Variants in SRCIN1 observed in about 807,000 individuals in gnomAD.
The protein encoded by SRCIN1 is P130Cas-associated protein.
Under a neutral mutation model 116.2 loss-of-function variants are expected in SRCIN1, and 50 were observed. That is an observed-to-expected ratio of 0.43 (90% confidence interval 0.34 to 0.54). The LOEUF (loss-of-function observed/expected upper bound fraction) is 0.54. Ranked by LOEUF, SRCIN1 falls within the 20% of genes least tolerant of loss-of-function variation. SRCIN1 has a pLI of 0.02. For synonymous variants in SRCIN1, 736 were observed against 750.0 expected, an observed-to-expected ratio of 0.98 and a Z score of 0.30; for missense variants, 1,446 against 1,672.0, an observed-to-expected ratio of 0.86 and a Z score of 2.36.
In SRCIN1 at chr17:38,568,417, T is replaced by C. The variant is rs117484389; in HGVS notation, c.325-186A>G. ...TTCTCTACTGAGACCTGGAACACCA[T>C]GGTGTACCCAGGATGGCCCTGAGCA... On this transcript the variant is annotated intron_variant, in intron 2 of 18. Coordinates refer to ENST00000617146, the MANE Select transcript of SRCIN1 (RefSeq NM_025248.3). This position sits in a 1 kb window ranked among gnomAD's most constrained non-coding sequence, Gnocchi z 4.5. 2.8e-3 allele frequency among the ~76,000 whole-genome samples: 427 copies of C among 152,222 alleles called. 1 individual carries two copies. The highest frequency in any genetic ancestry group is 0.024 in the East Asian group (122 of 5,164).
At chr17:38,571,416 C>T (rs910609946) in intron 2 of SRCIN1, among the ~76,000 whole-genome samples, 61 of 152,198 alleles carry the variant, frequency 4.0e-4, no homozygotes, top group African/African-American at 1.5e-3. Flanking sequence ...GGCACCACTC[C>T]CTCCATCTCC....
chr17:38,594,787 A>G (rs1482082630), intron 1 of SRCIN1, among the ~76,000 whole-genome samples: 1 of 151,950 alleles, frequency 6.6e-6, no homozygotes, highest in Non-Finnish European at 1.5e-5. Context: ...GGGCAGGCTG[A>G]CTCTCAAGTC....
At position 38,547,561 on chromosome 17, in the gene SRCIN1, G is replaced by A. The variant is rs185114213; in HGVS notation, c.3270+996C>T. Among the ~76,000 whole-genome samples, 236 of 152,282 alleles carry A rather than the reference G, an allele frequency of 1.5e-3. 1 individual carries two copies. Among genetic ancestry groups the A allele is most frequent in the African/African-American group, 5.4e-3 (225 of 41,538 alleles). On this transcript the variant is annotated intron_variant, in intron 17 of 18. Transcript: ENST00000617146. ...CTCAGGGAGCCCCCCAGCAAGCAGC[G>A]GGGAGGAAGGGTTATGCGCCTGTCC... is the stretch of plus-strand genomic sequence containing the variant.
At chr17:38,597,995 C>T (rs972734650) in intron 1 of SRCIN1, among the ~76,000 whole-genome samples, 1 of 152,124 alleles carries the variant, frequency 6.6e-6, no homozygotes, top group African/African-American at 2.4e-5. Flanking sequence ...CTTCCTGCCC[C>T]TCCCACTTCC....
At chr17:38,584,194 G>A (rs1206291467) in intron 1 of SRCIN1, among the ~76,000 whole-genome samples, 1 of 152,164 alleles carries the variant, frequency 6.6e-6, no homozygotes, top group Non-Finnish European at 1.5e-5. Context: ...TCTGGGGGAA[G>A]GGAAGCAAAG....
Position 38,565,873 on chromosome 17 carries a change from A to C in SRCIN1, c.346-1560T>G, listed in dbSNP as rs560949719. 5.9e-5 allele frequency among the ~76,000 whole-genome samples: 9 copies of C among 152,204 alleles called. No individual in the cohort carries two copies. The East Asian group carries it at 1.7e-3, about 29-fold the overall frequency. On this transcript the variant is annotated intron_variant, in intron 3 of 18. Coordinates refer to ENST00000617146, the MANE Select transcript of SRCIN1 (RefSeq NM_025248.3). ...CTTGGCAGGAGGAAGGCAGCATAGA[A>C]ATGGGCCAGGGGCAGTAGGGAGGGG... is the stretch of plus-strand genomic sequence containing the variant.
At chr17:38,538,200 C>T (rs1157411966) in intron 18 of SRCIN1, among the ~76,000 whole-genome samples, 1 of 151,794 alleles carries the variant, frequency 6.6e-6, no homozygotes, top group Admixed American at 6.6e-5. Context: ...GGGCGAATCA[C>T]GAGGTCAGGA....
chr17:38,564,088 G>A (rs771902805), intron 4 of SRCIN1, 30 bp downstream of exon 4: 1 of 1,576,974 alleles, frequency 6.3e-7, no homozygotes, highest in Non-Finnish European at 8.6e-7. Context: ...AGCCTGTGTG[G>A]GGAGGGAGGG....
intron 18 of SRCIN1, among the ~76,000 whole-genome samples, chr17:38,540,400 C>A (rs922630050): frequency 1.3e-5 from 2 of 152,136 alleles, no homozygotes; most frequent in African/African-American, 4.8e-5. Context: ...GGGCACCGCC[C>A]CCCCAATCCC....
In SRCIN1 at chr17:38,559,670, C is replaced by T. The variant is rs779595014; in HGVS notation, c.1940G>A (p.Arg647Gln). 35 of 1,599,684 alleles carry T rather than the reference C, an allele frequency of 2.2e-5. No individual in the cohort carries two copies. The highest frequency in any genetic ancestry group is 2.7e-5 in the Non-Finnish European group (32 of 1,178,520). ...TPAGQPTAVS[R>Q]LQMQLHLRGL... ...TCGCAGGTGAAGCTGCATCTGCAGC[C>T]GGCTAACGGCGGTAGGCTGACCTGC... Residue 647 changes from arginine to glutamine, a missense_variant, in exon 10 of 19, where the codon CGG becomes CAG. Arg to Gln is a conservative substitution (Grantham distance 43, BLOSUM62 1). Transcript: ENST00000617146.
At position 38,578,534 on chromosome 17, in the gene SRCIN1, G is replaced by C. The variant is rs1441379933; in HGVS notation, c.280C>G (p.His94Asp). 2 of 1,599,210 alleles carry C rather than the reference G, an allele frequency of 1.3e-6. No homozygotes were observed. Among genetic ancestry groups the C allele is most frequent in the African/African-American group, 1.3e-5 (1 of 74,580 alleles). ...TGCTGGCCTCGCAGGGCCAGGGCGT[G>C]CTGTGGGTACTTGCTCTTCAGGTGG... is the stretch of plus-strand genomic sequence containing the variant. ...MDHLKSKYPQ[H>D]ALALRGQQDR... is the part of the protein sequence containing the mutation. The change falls in exon 2 of 19, where the codon CAC (histidine) becomes GAC (aspartate). Residue 94 changes from histidine to aspartate, a missense_variant. This residue lies in a region of SRCIN1 where 246 missense variants were observed against 265.1 expected (regional missense o/e 0.93). Coordinates refer to ENST00000617146, the MANE Select transcript of SRCIN1 (RefSeq NM_025248.3).
chr17:38,571,956 C>T (rs368849854), intron 2 of SRCIN1, among the ~76,000 whole-genome samples: 38 of 152,326 alleles, frequency 2.5e-4, no homozygotes, highest in African/African-American at 5.5e-4. Flanking sequence ...GGTTTTCCCC[C>T]CCTCGGCCCT....
intron 18 of SRCIN1, among the ~76,000 whole-genome samples, chr17:38,539,047 G>A (rs1748857249): frequency 6.6e-6 from 1 of 152,140 alleles, no homozygotes; most frequent in Non-Finnish European, 1.5e-5. Context: ...TTTCAGATTT[G>A]CTTTGGCTGT....
Position 38,558,101 on chromosome 17 carries a change from G to C in SRCIN1, c.2201+126C>G, listed in dbSNP as rs993887314. The stretch of plus-strand genomic sequence containing the variant: ...ATCAGGCCAGAGGAGAATGAAATCA[G>C]GCTTCAGAACAGACCAACGCCACCT... On this transcript the variant is annotated intron_variant, in intron 11 of 18. Coordinates refer to ENST00000617146, the MANE Select transcript of SRCIN1 (RefSeq NM_025248.3). This position sits in a 1 kb window ranked among gnomAD's most constrained non-coding sequence, Gnocchi z 4.6. 2.9e-6 allele frequency: 3 copies of C among 1,047,272 alleles called. No individual in the cohort carries two copies. The African/African-American group carries it at 4.8e-5, about 17-fold the overall frequency. 64.9% of individuals were successfully genotyped at this position (1,047,272 alleles called of 1,614,324 possible). A position where few individuals can be genotyped will look rare whatever the true frequency, so the allele number is the denominator to read the frequency against.
chr17:38,576,277 C>T (rs1178103747), intron 2 of SRCIN1, among the ~76,000 whole-genome samples: 2 of 152,150 alleles, frequency 1.3e-5, no homozygotes, highest in Non-Finnish European at 2.9e-5. Context: ...CTTTACCACA[C>T]CACGAGACAC....
upstream of SRCIN1, among the ~76,000 whole-genome samples, chr17:38,606,653 C>T (rs1030971594): frequency 6.6e-6 from 1 of 152,230 alleles, no homozygotes; most frequent in Non-Finnish European, 1.5e-5. This position sits in a 1 kb window ranked among gnomAD's most constrained non-coding sequence, Gnocchi z 5.2. Context: ...TCCCTGCTCA[C>T]GCCTCGCTTG....
Position 38,552,997 on chromosome 17 carries a change from G to A in SRCIN1, c.2202-142C>T, listed in dbSNP as rs896762358. ...AGGCTGGGCACCGTGGCTCACGCCC[G>A]TAATCTCAGTACTTTGGGAGGCTGA... On this transcript the variant is annotated intron_variant, in intron 11 of 18. Coordinates refer to ENST00000617146, the MANE Select transcript of SRCIN1 (RefSeq NM_025248.3). This position sits in a 1 kb window ranked among gnomAD's most constrained non-coding sequence, Gnocchi z 5.3. 4.0e-5 allele frequency: 52 copies of A among 1,314,196 alleles called. No homozygotes were observed. Among genetic ancestry groups the A allele is most frequent in the Non-Finnish European group, 3.2e-5 (31 of 971,706 alleles). 81.4% of individuals were successfully genotyped at this position (1,314,196 alleles called of 1,614,324 possible). A position where few individuals can be genotyped will look rare whatever the true frequency, so the allele number is the denominator to read the frequency against.
intron 17 of SRCIN1, among the ~76,000 whole-genome samples, chr17:38,547,396 C>A (rs527674094): frequency 6.6e-6 from 1 of 152,342 alleles, no homozygotes; most frequent in African/African-American, 2.4e-5. Context: ...AAGATCCAAA[C>A]TCCAATCTTG....
Position 38,562,065 on chromosome 17 carries a change from G to A in SRCIN1, c.1098C>T (p.Ser366=), listed in dbSNP as rs147420193. The A allele has an allele frequency of 8.6e-3, 12,705 of 1,470,060 alleles. 131 individuals carry two copies. The highest frequency in any genetic ancestry group is 0.033 in the South Asian group (2,548 of 77,190). 91.1% of individuals were successfully genotyped at this position (1,470,060 alleles called of 1,614,324 possible). A position where few individuals can be genotyped will look rare whatever the true frequency, so the allele number is the denominator to read the frequency against. The change falls in exon 7 of 19, where the codon AGC becomes AGT. Residue 366 remains serine (S), a synonymous_variant. Transcript: ENST00000617146. The surrounding 1 kb of genome is among the most constrained non-coding windows in gnomAD (Gnocchi z 4.2). The stretch of plus-strand genomic sequence containing the variant: ...TCACGTCGCGCCGCTCCAGGATGGC[G>A]CTGGGGCTGGGGCTGACGCCCTGGG... ...PAAQGVSPSP[S]AILERRDVKP... is the part of the protein sequence containing the mutation.
Sources: gnomAD v4.1 joint callset for allele counts (sites outside exome capture counted in the v4.1 genomes callset) on GRCh38, gnomAD v4.1.1 for gene constraint, gnomAD v4.1.1 regional missense constraint, Gnocchi (gnomAD v3.1) non-coding constraint, MANE v1.5 for transcripts, NCBI Gene and HGNC (gene_info 2026-07-23, HGNC 2026-07-21) for gene names.